Variants in RUNX2 observed in about 807,000 individuals in gnomAD.
RUNX2 encodes the protein runt-related transcription factor 2.
RUNX2 carries 10 observed loss-of-function variants against 51.7 expected under a neutral mutation model. That is an observed-to-expected ratio of 0.19 (90% CI 0.12 to 0.33). RUNX2 has a LOEUF of 0.33. Ranked by LOEUF, RUNX2 falls within the 10% of genes least tolerant of loss-of-function variation. The pLI is 1.00. For synonymous variants in RUNX2, 276 were observed against 273.6 expected (o/e 1.01, Z -0.09); for missense variants, 562 against 691.3 (o/e 0.81, Z 2.10).
At chr6:45,349,550 G>A (rs1188285918) in intron 2 of RUNX2, among the ~76,000 whole-genome samples, 1 of 152,196 alleles carries the variant, frequency 6.6e-6, no homozygotes, top group Non-Finnish European at 1.5e-5. Context: ...GGCTGGAGGT[G>A]AGACCCAGCA....
intron 2 of RUNX2, chr6:45,422,022 GAGCGGCGGCCGCCGCGGAGGC>G (rs1340928719): frequency 6.7e-6 from 1 of 148,878 alleles, no homozygotes. Flanking sequence ...CGCGCGGGGG[GAGCGGCGGCCGCCGCGGAGGC>G]GGCGGCGCGG....
intron 2 of RUNX2, among the ~76,000 whole-genome samples, chr6:45,338,709 T>G (rs1789137986): frequency 1.3e-5 from 2 of 152,154 alleles, no homozygotes; most frequent in African/African-American, 4.8e-5. Flanking sequence ...TATTTCGTTT[T>G]GTCATCAATT....
At chr6:45,541,298 A>G (rs537760419) in intron 7 of RUNX2, among the ~76,000 whole-genome samples, 1 of 152,362 alleles carries the variant, frequency 6.6e-6, no homozygotes, top group South Asian at 2.1e-4. Flanking sequence ...TAATAATTCA[A>G]TAAGGGAGTG....
chr6:45,526,504 G>T (rs991380439), intron 7 of RUNX2, among the ~76,000 whole-genome samples: 1 of 152,138 alleles, frequency 6.6e-6, no homozygotes, highest in Non-Finnish European at 1.5e-5. Context: ...CTATATTAAA[G>T]AAATTAGATC....
chr6:45,415,268 G>A (rs1197851152), intron 2 of RUNX2, among the ~76,000 whole-genome samples: 3 of 152,176 alleles, frequency 2.0e-5, no homozygotes, highest in Non-Finnish European at 4.4e-5. Flanking sequence ...AATTGGCTAG[G>A]AAGAACTAAA....
At chr6:45,372,813 C>A (rs1404161175) in intron 2 of RUNX2, among the ~76,000 whole-genome samples, 1 of 151,950 alleles carries the variant, frequency 6.6e-6, no homozygotes, top group African/African-American at 2.4e-5. Context: ...CACAAACCAC[C>A]AAGCTCAGCT....
intron 5 of RUNX2, among the ~76,000 whole-genome samples, chr6:45,452,966 C>T (rs1347851408): frequency 1.3e-5 from 2 of 152,202 alleles, no homozygotes; most frequent in Non-Finnish European, 2.9e-5. Context: ...TGGTGGAGAA[C>T]CACCCACAGT....
At chr6:45,463,893 G>GA (rs1799549334) in intron 5 of RUNX2, among the ~76,000 whole-genome samples, 1 of 152,046 alleles carries the variant, frequency 6.6e-6, no homozygotes, top group African/African-American at 2.4e-5. Context: ...TTTGAAATTA[G>GA]AAAAATGTTC....
At chr6:45,463,528 T>C (rs912386368) in intron 5 of RUNX2, among the ~76,000 whole-genome samples, 1 of 152,248 alleles carries the variant, frequency 6.6e-6, no homozygotes, top group Non-Finnish European at 1.5e-5. Context: ...TTTTTCCTTT[T>C]GTCTTGCCAG....
chr6:45,461,154 T>C (rs997658064), intron 5 of RUNX2, among the ~76,000 whole-genome samples: 1 of 152,178 alleles, frequency 6.6e-6, no homozygotes, highest in Non-Finnish European at 1.5e-5. Flanking sequence ...TCACATTGAA[T>C]AGGTAGAATC....
chr6:45,345,655 A>G (rs1384224264), intron 2 of RUNX2, among the ~76,000 whole-genome samples: 2 of 152,126 alleles, frequency 1.3e-5, no homozygotes, highest in African/African-American at 2.4e-5. Flanking sequence ...CTTCATTCCC[A>G]TTCCCTCTTA....
intron 8 of RUNX2, among the ~76,000 whole-genome samples, chr6:45,545,526 T>C (rs1257093913): frequency 6.6e-6 from 1 of 152,202 alleles, no homozygotes; most frequent in Non-Finnish European, 1.5e-5. Context: ...ATTATTCCCT[T>C]AATAAACATC....
At chr6:45,415,129 G>A in intron 2 of RUNX2, among the ~76,000 whole-genome samples, 1 of 152,260 alleles carries the variant, frequency 6.6e-6, no homozygotes, top group South Asian at 2.1e-4. Flanking sequence ...ATGTCTTGGG[G>A]ATCAGAAAAT....
chr6:45,491,822 A>G, intron 5 of RUNX2, 119 bp from the exon 6 acceptor site: 1 of 1,034,488 alleles, frequency 9.7e-7, no homozygotes, highest in Non-Finnish European at 1.5e-6. Flanking sequence ...GTCATTATAA[A>G]TATTAATATT....
At chr6:45,419,775 G>T (rs190842983) in intron 2 of RUNX2, among the ~76,000 whole-genome samples, 4 of 152,178 alleles carry the variant, frequency 2.6e-5, no homozygotes, top group African/African-American at 9.7e-5. Flanking sequence ...TGGCTAAATG[G>T]GTTCTCGCAC....
intron 2 of RUNX2, among the ~76,000 whole-genome samples, chr6:45,415,810 A>T (rs1279762033): frequency 6.6e-6 from 1 of 152,186 alleles, no homozygotes; most frequent in Admixed American, 6.5e-5. Flanking sequence ...ATCCGGATTC[A>T]TTTTCACAGA....
chr6:45,331,008 C>T (rs1349613008), intron 2 of RUNX2, among the ~76,000 whole-genome samples: 1 of 151,840 alleles, frequency 6.6e-6, no homozygotes, highest in African/African-American at 2.4e-5. Flanking sequence ...AGTATGTGCC[C>T]CAATTTTGTA....
chr6:45,455,303 CTTTT>C (rs904898008), intron 5 of RUNX2, among the ~76,000 whole-genome samples: 1 of 152,028 alleles, frequency 6.6e-6, no homozygotes, highest in African/African-American at 2.4e-5. Context: ...GGAAATTCTT[CTTTT>C]TTAAGTTTTA....
chr6:45,428,769 A>G, intron 3 of RUNX2, among the ~76,000 whole-genome samples: 1 of 150,624 alleles, frequency 6.6e-6, no homozygotes. Context: ...AAAATTCATT[A>G]TGTTAAAAAT....
Sources: allele counts gnomAD v4.1 joint callset (sites outside exome capture counted in the v4.1 genomes callset), GRCh38; gene constraint gnomAD v4.1.1; transcripts MANE v1.5; gene names NCBI Gene and HGNC (gene_info 2026-07-23, HGNC 2026-07-21).